The following MGAT4C variants were observed in gnomAD, a reference collection of about 807,000 sequenced individuals.
The protein encoded by MGAT4C is MGAT4 family member C, also known as alpha-1,3-mannosyl-glycoprotein 4-beta-N-acetylglucosaminyltransferase C.
A neutral mutation model predicts 40.1 loss-of-function variants in MGAT4C; 19 were observed. The ratio of observed to expected loss-of-function variants is 0.47; its 90% CI spans 0.33 to 0.70. The LOEUF (loss-of-function observed/expected upper bound fraction) is 0.70. Ranked by LOEUF, MGAT4C falls within the 30% of genes least tolerant of loss-of-function variation. The probability of loss-of-function intolerance (pLI) is 0.02; values close to 1 mark genes in which losing one functional copy is unlikely to be tolerated. For synonymous variants in MGAT4C, 181 were observed against 187.1 expected, an observed-to-expected ratio of 0.97 and a Z score of 0.27; for missense variants, 491 against 563.2, an observed-to-expected ratio of 0.87 and a Z score of 1.30.
chr12:86,319,338 A>G (rs1409059791), intron 4 of MGAT4C, among the ~76,000 whole-genome samples: 1 of 152,132 alleles, frequency 6.6e-6, no homozygotes, highest in Non-Finnish European at 1.5e-5. Context: ...GCTTCTTTAG[A>G]TGTACTGATA....
chr12:86,602,886 G>A (rs1051599195), intron 2 of MGAT4C, among the ~76,000 whole-genome samples: 2 of 30,124 alleles, frequency 6.6e-5, no homozygotes, highest in Non-Finnish European at 1.3e-4. Context: ...CCATCTGCGT[G>A]TGTGTGTGTG....
intron 2 of MGAT4C, among the ~76,000 whole-genome samples, chr12:86,437,599 G>A (rs1201549414): frequency 6.6e-6 from 1 of 151,818 alleles, no homozygotes; most frequent in Non-Finnish European, 1.5e-5. Flanking sequence ...ATTGTACTTT[G>A]TAGATATTGC....
rs533337746 is a variant in MGAT4C at position 86,025,538 on chromosome 12, C to A, written c.-7+24136G>T. Among the ~76,000 whole-genome samples, 4 of 151,710 alleles carry A rather than the reference C, an allele frequency of 2.6e-5. No individual in the cohort carries two copies. The East Asian group carries it at 7.7e-4, about 29-fold the overall frequency. ...AAAATTTATCCATTGTTGAAAAGCT[C>A]ATAAAACAATATTTTTTATATGTTG... is the stretch of plus-strand genomic sequence containing the variant. On this transcript the variant is annotated intron_variant, in intron 2 of 4. Coordinates refer to ENST00000611864, the MANE Select transcript of MGAT4C (RefSeq NM_001351288.2).
chr12:86,619,667 C>T (rs975946081), intron 2 of MGAT4C, among the ~76,000 whole-genome samples: 2 of 151,984 alleles, frequency 1.3e-5, no homozygotes, highest in Admixed American at 6.6e-5. Context: ...TCTTTTTTGG[C>T]CTTTTTTTAT....
At chr12:86,193,049 C>G (rs879420850) in intron 1 of MGAT4C, among the ~76,000 whole-genome samples, 1 of 151,952 alleles carries the variant, frequency 6.6e-6, no homozygotes. Context: ...CTGTAAGCAG[C>G]ATAAATCAGG....
intron 2 of MGAT4C, among the ~76,000 whole-genome samples, chr12:86,514,464 G>T (rs1231264697): frequency 5.3e-5 from 8 of 152,114 alleles, no homozygotes; most frequent in African/African-American, 9.7e-5. Flanking sequence ...ATTCCTTCCT[G>T]AGGCTCTATG....
chr12:86,437,612 T>C lies in MGAT4C; in HGVS notation c.-228-2347A>G, dbSNP rs148356590. 5.8e-3 allele frequency among the ~76,000 whole-genome samples: 886 copies of C among 152,044 alleles called. 5 individuals are homozygous for C. The highest frequency in any genetic ancestry group is 0.01 in the Middle Eastern group (3 of 294). On this transcript the variant is annotated intron_variant, in intron 2 of 7. Coordinates refer to the MGAT4C transcript ENST00000548651. ...TTATTGTACTTTGTAGATATTGCAG[T>C]TTTACAAATTGAACATTTGTGGTAA...
chr12:86,796,841 G>C (rs1952132471), intron 1 of MGAT4C, among the ~76,000 whole-genome samples: 1 of 151,758 alleles, frequency 6.6e-6, no homozygotes, highest in African/African-American at 2.4e-5. Flanking sequence ...TAATTACTTA[G>C]ATTTAGTCAT....
At chr12:86,113,434 T>A (rs1264178993) in intron 1 of MGAT4C, among the ~76,000 whole-genome samples, 2 of 151,874 alleles carry the variant, frequency 1.3e-5, no homozygotes, top group East Asian at 3.9e-4. Flanking sequence ...TGGGGGATTT[T>A]TTGTGTGGAT....
rs976474428 is a variant in MGAT4C at position 86,415,225 on chromosome 12, T to A, written c.-120+19932A>T. ...AGCAAACCTGAATTACAGAGAAGAG[T>A]TAAGTCAATTACAGGTGTTCTAATT... On this transcript the variant is annotated intron_variant, in intron 3 of 7. Transcript: ENST00000548651. Among the ~76,000 whole-genome samples the A allele has an allele frequency of 2.0e-5, 3 of 152,026 alleles. No individual in the cohort carries two copies. In the East Asian group the frequency reaches 5.8e-4, roughly 29 times the overall value.
intron 3 of MGAT4C, among the ~76,000 whole-genome samples, chr12:86,350,948 T>C (rs1362515533): frequency 6.6e-6 from 1 of 151,858 alleles, no homozygotes; most frequent in Non-Finnish European, 1.5e-5. Flanking sequence ...GTTGTTTTTT[T>C]AATTTTCTTT....
chr12:86,420,020 T>A (rs200431742), intron 3 of MGAT4C, among the ~76,000 whole-genome samples: 2,946 of 134,364 alleles, frequency 0.022, 43 homozygotes, highest in Middle Eastern at 0.043. Flanking sequence ...ATTTTTTTTT[T>A]AAAAGTTAAC....
At chr12:86,543,955 A>G (rs1959180578) in intron 2 of MGAT4C, among the ~76,000 whole-genome samples, 2 of 152,092 alleles carry the variant, frequency 1.3e-5, no homozygotes, top group South Asian at 2.1e-4. Context: ...TATTTTCTAC[A>G]TGGACTCCTC....
chr12:86,530,529 C>A (rs1294912371), intron 2 of MGAT4C, among the ~76,000 whole-genome samples: 1 of 152,018 alleles, frequency 6.6e-6, no homozygotes, highest in African/African-American at 2.4e-5. Flanking sequence ...CTAACTCTTG[C>A]AGGTAACTTA....
chr12:86,648,312 T>C (rs1356922896), intron 2 of MGAT4C, among the ~76,000 whole-genome samples: 1 of 151,980 alleles, frequency 6.6e-6, no homozygotes, highest in Non-Finnish European at 1.5e-5. Context: ...AATATTTTAA[T>C]GTTATAATTC....
At chr12:86,429,483 C>G (rs1956992458) in intron 3 of MGAT4C, among the ~76,000 whole-genome samples, 1 of 152,116 alleles carries the variant, frequency 6.6e-6, no homozygotes. Context: ...ACCATTAAAT[C>G]TAAAGTGTTG....
chr12:86,559,381 C>T (rs200762973), intron 2 of MGAT4C, among the ~76,000 whole-genome samples: 27 of 151,914 alleles, frequency 1.8e-4, no homozygotes, highest in South Asian at 2.1e-4. Flanking sequence ...TATTAGCACA[C>T]GGAACATTCT....
At chr12:86,523,121 T>C (rs1958823955) in intron 2 of MGAT4C, among the ~76,000 whole-genome samples, 1 of 151,996 alleles carries the variant, frequency 6.6e-6, no homozygotes, top group Non-Finnish European at 1.5e-5. Flanking sequence ...TTTCCGGTAT[T>C]TATTGTCTTC....
At chr12:86,569,010 T>A (rs2136419358) in intron 2 of MGAT4C, among the ~76,000 whole-genome samples, 1 of 151,872 alleles carries the variant, frequency 6.6e-6, no homozygotes, top group Admixed American at 6.6e-5. Context: ...TGTACATGAA[T>A]AAATTTAACC....
Sources: gnomAD v4.1 joint callset for allele counts (sites outside exome capture counted in the v4.1 genomes callset) on GRCh38, gnomAD v4.1.1 for gene constraint, MANE v1.5 for transcripts, NCBI Gene and HGNC (gene_info 2026-07-23, HGNC 2026-07-21) for gene names.